The following CD55 variants were observed in gnomAD, a reference collection of about 807,000 sequenced individuals.
CD55 encodes the protein complement decay-accelerating factor.
CD55 carries 41 observed loss-of-function variants against 45.8 expected under a neutral mutation model. That is an observed-to-expected ratio of 0.90 (90% confidence interval 0.70 to 1.16). The LOEUF is 1.16. Among genes scored for constraint, CD55 ranks in the 50% most tolerant of loss-of-function variants. The pLI is 0.00. For synonymous variants in CD55, 181 were observed against 181.1 expected, an observed-to-expected ratio of 1.00 and a Z score of 0.01; for missense variants, 416 against 469.8, an observed-to-expected ratio of 0.89 and a Z score of 1.06.
At chr1:207,330,067 T>C (rs545887777) in intron 5 of CD55, among the ~76,000 whole-genome samples, 61 of 152,310 alleles carry the variant, frequency 4.0e-4, no homozygotes, top group African/African-American at 1.4e-3. Flanking sequence ...ACATAGGAAC[T>C]ATATCTTGTT....
intron 5 of CD55, among the ~76,000 whole-genome samples, chr1:207,329,686 A>G (rs1654853167): frequency 6.6e-6 from 1 of 151,740 alleles, no homozygotes; most frequent in East Asian, 1.9e-4. Context: ...ATCACAGCTC[A>G]CTGCAGCCTC....
At chr1:207,350,119 G>A (rs1655805958) in intron 9 of CD55, 1 of 454,822 alleles carries the variant, frequency 2.2e-6, no homozygotes, top group Admixed American at 2.4e-5. Flanking sequence ...AGATGATCAT[G>A]TGGTTTTTTT....
At chr1:207,333,799 G>A (rs750195211) in intron 6 of CD55, among the ~76,000 whole-genome samples, 13 of 152,096 alleles carry the variant, frequency 8.5e-5, no homozygotes, top group Admixed American at 3.3e-4. Context: ...ACAGTATTAG[G>A]AACTGAAAGA....
intron 3 of CD55, among the ~76,000 whole-genome samples, chr1:207,325,135 G>C (rs912032482): frequency 3.3e-5 from 5 of 152,078 alleles, no homozygotes; most frequent in African/African-American, 1.2e-4. Context: ...AGGAGATTGA[G>C]AGTAGCCTGG....
chr1:207,325,089 C>T (rs1476408546), intron 3 of CD55, among the ~76,000 whole-genome samples: 1 of 152,072 alleles, frequency 6.6e-6, no homozygotes, highest in African/African-American at 2.4e-5. Flanking sequence ...AATCCCAGCA[C>T]TTTGGGAGAC....
At chr1:207,335,519 G>A (rs1371451030) in intron 6 of CD55, among the ~76,000 whole-genome samples, 1 of 152,098 alleles carries the variant, frequency 6.6e-6, no homozygotes, top group Non-Finnish European at 1.5e-5. Context: ...TACATTCTCT[G>A]GATCAAAACT....
At chr1:207,349,825 T>C (rs1235663970) in intron 9 of CD55, among the ~76,000 whole-genome samples, 1 of 152,238 alleles carries the variant, frequency 6.6e-6, no homozygotes, top group Non-Finnish European at 1.5e-5. Context: ...GATAGTTTAC[T>C]TCCTCTCTTC....
At chr1:207,336,993 C>T (rs1655205997) in intron 7 of CD55, 175 bp downstream of exon 7, 1 of 698,216 alleles carries the variant, frequency 1.4e-6, no homozygotes, top group East Asian at 2.7e-5. Flanking sequence ...TCATCAACAC[C>T]TCAAAGACAC....
chr1:207,331,163 T>G lies in CD55; in HGVS notation c.720T>G (p.Arg240=). ...ACAATGGAATAATTCAAGGGGAACGTGACCATTATGGATATAGACAGTCTG... is the reference window on the plus strand; with the variant it reads ...ACAATGGAATAATTCAAGGGGAACGGGACCATTATGGATATAGACAGTCTG... ...QIDNGIIQGE[R]DHYGYRQSVT... is the part of the protein sequence containing the mutation. Residue 240 remains arginine (R), a synonymous_variant, in exon 6 of 10, where the codon CGT becomes CGG. Coordinates refer to ENST00000367064, the MANE Select transcript of CD55 (RefSeq NM_000574.5). 1 of 1,613,762 alleles carries G rather than the reference T, an allele frequency of 6.2e-7. No homozygotes were observed. Among genetic ancestry groups the G allele is most frequent in the Middle Eastern group, 1.7e-4 (1 of 6,060 alleles).
intron 5 of CD55, 143 bp from the exon 6 acceptor site, chr1:207,330,965 A>T (rs1416614155): frequency 1.6e-6 from 1 of 643,678 alleles, no homozygotes; most frequent in Non-Finnish European, 2.6e-6. Flanking sequence ...GGCATTTATA[A>T]GCATCTCTTG....
chr1:207,321,974 C>A, intron 1 of CD55, 109 bp downstream of exon 1: 1 of 772,108 alleles, frequency 1.3e-6, no homozygotes, highest in Non-Finnish European at 2.0e-6. Flanking sequence ...GGAGCTTGGC[C>A]CGCGGTCGTG....
rs530144002 is a variant in CD55, at chr1:207,344,418, G to T, written c.1081+5001G>T. Among the ~76,000 whole-genome samples the T allele has an allele frequency of 4.6e-5, 7 of 152,232 alleles. No homozygotes were observed. In the South Asian group the frequency reaches 6.2e-4, roughly 14 times the overall value. On this transcript the variant is annotated intron_variant, in intron 9 of 9. Coordinates refer to ENST00000367064, the MANE Select transcript of CD55 (RefSeq NM_000574.5). The stretch of plus-strand genomic sequence containing the variant: ...TTCTTGTAAGCCATCTCATGGTGAT[G>T]AATTCCATCATGGTGATTAATTCCA...
chr1:207,348,179 C>G (rs1655724307), intron 9 of CD55, among the ~76,000 whole-genome samples: 1 of 152,136 alleles, frequency 6.6e-6, no homozygotes, highest in Admixed American at 6.5e-5. Flanking sequence ...AATTACATTC[C>G]CACCAGCAAT....
chr1:207,328,846 T>C (rs1654805416), intron 5 of CD55, among the ~76,000 whole-genome samples: 1 of 152,192 alleles, frequency 6.6e-6, no homozygotes, highest in Non-Finnish European at 1.5e-5. Flanking sequence ...CTATTGCAAT[T>C]AGGGCCACCC....
At chr1:207,334,307 T>C (rs949841963) in intron 6 of CD55, among the ~76,000 whole-genome samples, 2 of 152,174 alleles carry the variant, frequency 1.3e-5, no homozygotes, top group Admixed American at 1.3e-4. Context: ...CAAAACTGAA[T>C]GCAAAATAGA....
chr1:207,354,045 C>A, intron 9 of CD55: 1 of 1,535,306 alleles, frequency 6.5e-7, no homozygotes. Flanking sequence ...TGGGTCATCC[C>A]ACATTTCTTC....
At chr1:207,325,449 T>A (rs1654636024) in intron 3 of CD55, among the ~76,000 whole-genome samples, 173 bp from the exon 4 acceptor site, 1 of 152,216 alleles carries the variant, frequency 6.6e-6, no homozygotes, top group African/African-American at 2.4e-5. Flanking sequence ...TATTGAGGTA[T>A]AATCGACAAA....
intron 9 of CD55, among the ~76,000 whole-genome samples, chr1:207,342,543 A>G (rs1655469652): frequency 6.6e-6 from 1 of 152,064 alleles, no homozygotes; most frequent in Admixed American, 6.5e-5. Context: ...CCTGGTCGAA[A>G]TCCCACTTGG....
intron 3 of CD55, among the ~76,000 whole-genome samples, chr1:207,325,274 G>A (rs1041392920): frequency 1.3e-5 from 2 of 149,140 alleles, no homozygotes; most frequent in Admixed American, 6.7e-5. Flanking sequence ...GGCAGAGGTT[G>A]CAGTGAGCTG....
Sources: gnomAD v4.1 joint callset for allele counts (sites outside exome capture counted in the v4.1 genomes callset) on GRCh38, gnomAD v4.1.1 for gene constraint, MANE v1.5 for transcripts, NCBI Gene and HGNC (gene_info 2026-07-23, HGNC 2026-07-21) for gene names.